The following KHDRBS1 variants were observed in gnomAD, a reference collection of about 807,000 sequenced individuals.
The protein encoded by KHDRBS1 is KH domain-containing, RNA-binding, signal transduction-associated protein 1.
KHDRBS1 carries 7 observed loss-of-function variants against 48.4 expected under a neutral mutation model. That is an observed-to-expected ratio of 0.14 (90% CI 0.08 to 0.27). The LOEUF is 0.27. Ranked by LOEUF, KHDRBS1 falls within the 10% of genes least tolerant of loss-of-function variation. The probability of loss-of-function intolerance (pLI) is 1.00; values close to 1 mark genes in which losing one functional copy is unlikely to be tolerated. For missense variants in KHDRBS1, 458 were observed against 601.2 expected (o/e 0.76, Z 2.49); for synonymous variants, 241 against 235.8 (o/e 1.02, Z -0.20).
chr1:32,033,463 C>G, intron 4 of KHDRBS1, 129 bp downstream of exon 4: 1 of 1,262,662 alleles, frequency 7.9e-7, no homozygotes, highest in South Asian at 1.6e-5. Context: ...CACTTATGTT[C>G]ATTTTCCTTA....
intron 5 of KHDRBS1, 90 bp from the exon 6 acceptor site, chr1:32,037,745 C>A: frequency 1.4e-6 from 2 of 1,400,628 alleles, no homozygotes; most frequent in Admixed American, 3.5e-5. Context: ...TTCATAAAAT[C>A]TGCCTAATTC....
intron 10 of KHDRBS1, among the ~76,000 whole-genome samples, chr1:32,055,396 C>CA (rs1168809444): frequency 2.0e-5 from 3 of 152,104 alleles, no homozygotes; most frequent in African/African-American, 7.2e-5. Context: ...TGCAGTGAGC[C>CA]ATGATCGCAC....
chr1:32,029,280 C>T (rs1037092573), intron 1 of KHDRBS1, among the ~76,000 whole-genome samples: 5 of 152,272 alleles, frequency 3.3e-5, no homozygotes, highest in African/African-American at 9.6e-5. Flanking sequence ...TGGGTGTATA[C>T]TTATCTCCAC....
At chr1:32,054,421 C>G (rs1569826626) in intron 10 of KHDRBS1, 1 of 152,308 alleles carries the variant, frequency 6.6e-6, no homozygotes, top group East Asian at 1.9e-4. Context: ...GGAGACTCAT[C>G]TCTCCTGTCT....
At chr1:32,053,794 T>G (rs919771953) in intron 10 of KHDRBS1, among the ~76,000 whole-genome samples, 3 of 152,120 alleles carry the variant, frequency 2.0e-5, no homozygotes, top group African/African-American at 7.2e-5. Context: ...ATATAAAACA[T>G]TCACCAGGCC....
rs780820589 is a variant in KHDRBS1, at chr1:32,014,305, C to T, written c.310C>T (p.Leu104=). 17 of 1,559,302 alleles carry T rather than the reference C, an allele frequency of 1.1e-5. No individual in the cohort carries two copies. The highest frequency in any genetic ancestry group is 2.5e-5 in the East Asian group (1 of 40,354). ...CAAGATGGAGCCAGAGAACAAGTAC[C>T]TGCCCGAACTCATGGCCGAGAAGGA... ...SVKMEPENKY[L]PELMAEKDSL... is the part of the protein sequence containing the mutation. Residue 104 remains leucine, a synonymous_variant, in exon 1 of 9, where the codon CTG becomes TTG. Transcript: ENST00000327300.
At chr1:32,047,314 A>G (rs183954268), downstream of KHDRBS1, among the ~76,000 whole-genome samples, 1,164 of 152,212 alleles carry the variant, frequency 7.6e-3, 6 homozygotes, top group Non-Finnish European at 0.012. Flanking sequence ...ACACACCACC[A>G]CGCCTGGATA....
At chr1:32,049,724 C>G (rs915184471) in intron 10 of KHDRBS1, among the ~76,000 whole-genome samples, 11 of 151,054 alleles carry the variant, frequency 7.3e-5, no homozygotes, top group Non-Finnish European at 1.5e-4. Flanking sequence ...TGCAGTGGCA[C>G]GATCTCAGCT....
At chr1:32,026,596 C>A (rs1638975030) in intron 1 of KHDRBS1, among the ~76,000 whole-genome samples, 1 of 152,106 alleles carries the variant, frequency 6.6e-6, no homozygotes, top group South Asian at 2.1e-4. Context: ...AAATGAAAGG[C>A]CTTAAATTCA....
intron 1 of KHDRBS1, among the ~76,000 whole-genome samples, chr1:32,019,765 GT>G (rs1557889319): frequency 1.3e-5 from 2 of 151,110 alleles, no homozygotes; most frequent in Admixed American, 1.3e-4. Flanking sequence ...TGCAGGTTTT[GT>G]TTTTTTGTTT....
chr1:32,016,948 A>G (rs573597591), intron 1 of KHDRBS1, among the ~76,000 whole-genome samples: 10 of 152,248 alleles, frequency 6.6e-5, no homozygotes, highest in African/African-American at 2.4e-4. Context: ...ACCTTCATTG[A>G]AGATGGGACT....
chr1:32,025,292 C>CTTTTTTTTTTT (rs576339772), intron 1 of KHDRBS1, among the ~76,000 whole-genome samples: 1 of 92,094 alleles, frequency 1.1e-5, no homozygotes, highest in South Asian at 4.7e-4. Context: ...TCGGCTCCTC[C>CTTTTTTTTTTT]TTTTTTTTTT....
intron 1 of KHDRBS1, among the ~76,000 whole-genome samples, chr1:32,024,520 TCTCA>T (rs1193014632): frequency 1.3e-5 from 2 of 151,630 alleles, no homozygotes; most frequent in Non-Finnish European, 2.9e-5. Flanking sequence ...AAAGATGGGA[TCTCA>T]CTCTGTTGCC....
intron 10 of KHDRBS1, chr1:32,060,130 G>A (rs2182179): frequency 6.6e-6 from 1 of 152,230 alleles, no homozygotes; most frequent in Admixed American, 6.5e-5. Flanking sequence ...CTAATAGGGA[G>A]CTTTCTTAAT....
chr1:32,027,372 C>T (rs1189974427), intron 1 of KHDRBS1, among the ~76,000 whole-genome samples: 1 of 152,060 alleles, frequency 6.6e-6, no homozygotes, highest in Non-Finnish European at 1.5e-5. Flanking sequence ...GTACAGTAGG[C>T]TCAAAAAGAT....
At chr1:32,057,901 G>T (rs1334599569) in intron 10 of KHDRBS1, among the ~76,000 whole-genome samples, 1 of 151,298 alleles carries the variant, frequency 6.6e-6, no homozygotes, top group Non-Finnish European at 1.5e-5. Context: ...CAGATCACCT[G>T]AGGTCAGGAG....
At chr1:32,026,128 CT>C (rs1638967202) in intron 1 of KHDRBS1, among the ~76,000 whole-genome samples, 2 of 151,814 alleles carry the variant, frequency 1.3e-5, no homozygotes, top group South Asian at 4.2e-4. Context: ...TTTCAACCCT[CT>C]GTTTTATTTA....
At chr1:32,027,307 G>C (rs990663647) in intron 1 of KHDRBS1, among the ~76,000 whole-genome samples, 2 of 152,194 alleles carry the variant, frequency 1.3e-5, no homozygotes, top group South Asian at 4.1e-4. Context: ...CTAGGACTTT[G>C]AGGATTGAAT....
intron 10 of KHDRBS1, among the ~76,000 whole-genome samples, chr1:32,050,233 A>G (rs574440749): frequency 1.5e-4 from 23 of 152,292 alleles, no homozygotes; most frequent in African/African-American, 5.1e-4. Context: ...CCACTTTTAA[A>G]TGGGATAATT....
Sources: allele counts gnomAD v4.1 joint callset (sites outside exome capture counted in the v4.1 genomes callset), GRCh38; gene constraint gnomAD v4.1.1; transcripts MANE v1.5; gene names NCBI Gene and HGNC (gene_info 2026-07-23, HGNC 2026-07-21).